The following TMTC2 variants were observed in gnomAD, a reference collection of about 807,000 sequenced individuals.
The protein encoded by TMTC2 is transmembrane O-mannosyltransferase targeting cadherins 2, also known as protein O-mannosyl-transferase TMTC2.
Under a neutral mutation model 82.4 loss-of-function variants are expected in TMTC2, and 43 were observed. That is an observed-to-expected ratio of 0.52 (90% CI 0.41 to 0.67). The LOEUF (loss-of-function observed/expected upper bound fraction) is 0.67. TMTC2 is among the 30% of genes least tolerant of loss of function. The probability of loss-of-function intolerance (pLI) is 0.00; values close to 1 mark genes in which losing one functional copy is unlikely to be tolerated. For synonymous variants in TMTC2, 408 were observed against 381.9 expected, an observed-to-expected ratio of 1.07 and a Z score of -0.80; for missense variants, 919 against 1,012.4, an observed-to-expected ratio of 0.91 and a Z score of 1.25.
At chr12:82,779,990 G>A (rs1877815925) in intron 1 of TMTC2, among the ~76,000 whole-genome samples, 1 of 151,820 alleles carries the variant, frequency 6.6e-6, no homozygotes, top group African/African-American at 2.4e-5. Flanking sequence ...TTCAAGAGTA[G>A]GGGCTGTCCC....
At chr12:82,721,744 C>T (rs1874216923) in intron 1 of TMTC2, among the ~76,000 whole-genome samples, 1 of 152,158 alleles carries the variant, frequency 6.6e-6, no homozygotes, top group Non-Finnish European at 1.5e-5. Flanking sequence ...CAGTGTCTTG[C>T]CCTGACTAAA....
At position 83,061,922 on chromosome 12, in the gene TMTC2, T is replaced by TTTTTG. The variant is rs139869818; in HGVS notation, c.2331+111_2331+115dup. 1.9e-3 allele frequency: 2,044 copies of TTTTTG among 1,067,750 alleles called. 37 individuals are homozygous for TTTTTG. In the African/African-American group the frequency reaches 0.03, roughly 16 times the overall value. 66.1% of individuals were successfully genotyped at this position (1,067,750 alleles called of 1,614,324 possible). A position where few individuals can be genotyped will look rare whatever the true frequency, so the allele number is the denominator to read the frequency against. ...AAGCATCATGATACTGGTTTTTTGT[T>TTTTTG]TTTTGTTTTGTTTTGTTTTGTTTTT... On this transcript the variant is annotated intron_variant, in intron 11 of 11. Coordinates refer to ENST00000321196, the MANE Select transcript of TMTC2 (RefSeq NM_152588.3).
In TMTC2 at chr12:83,006,937, A is replaced by G. The variant is rs183779995; in HGVS notation, c.2070+20891A>G. On this transcript the variant is annotated intron_variant, in intron 8 of 11. Transcript: ENST00000321196. ...ACTTGGACACAGGGCAGGGCCTGTC[A>G]TGGGGTCGGGGGCTGGGGGAGGGAT... is the stretch of plus-strand genomic sequence containing the variant. 1.9e-4 allele frequency among the ~76,000 whole-genome samples: 28 copies of G among 149,232 alleles called. No homozygotes were observed. The East Asian group carries it at 5.7e-3, about 30-fold the overall frequency.
chr12:82,883,779 TCTC>T (rs1338831128), intron 2 of TMTC2, among the ~76,000 whole-genome samples: 1 of 152,194 alleles, frequency 6.6e-6, no homozygotes, highest in Non-Finnish European at 1.5e-5. Flanking sequence ...TAATTTTACT[TCTC>T]CTCCCATTAG....
rs188700268 is a variant in TMTC2 at position 82,867,543 on chromosome 12, C to G, written c.654+9963C>G. On this transcript the variant is annotated intron_variant, in intron 2 of 11. Transcript: ENST00000321196. Reference sequence around the variant, plus strand: ...ATCCTGAATTCCCATCAAACTGTTGCTAAATATAAAGTACAAATAAGTACT... The same window carrying G: ...ATCCTGAATTCCCATCAAACTGTTGGTAAATATAAAGTACAAATAAGTACT... Among the ~76,000 whole-genome samples the G allele has an allele frequency of 3.4e-3, 519 of 152,172 alleles. 2 individuals carry two copies. Among genetic ancestry groups the G allele is most frequent in the Admixed American group, 7.2e-3 (110 of 15,290 alleles).
intron 4 of TMTC2, among the ~76,000 whole-genome samples, chr12:82,937,779 TATATATATATATATATAC>T (rs1365721135): frequency 4.1e-4 from 9 of 21,896 alleles, no homozygotes; most frequent in Admixed American, 1.1e-3. Flanking sequence ...TATATATATA[TATATATATATATATATAC>T]ACACATATAT....
chr12:82,800,214 C>T (rs1013013084), intron 1 of TMTC2, among the ~76,000 whole-genome samples: 26 of 152,218 alleles, frequency 1.7e-4, no homozygotes, highest in Admixed American at 3.3e-4. Context: ...AAAACCTTAA[C>T]TGTAGTGCCT....
Position 82,896,354 on chromosome 12 carries a change from T to A in TMTC2, c.1191T>A (p.Ser397=). The A allele has an allele frequency of 6.2e-7, 1 of 1,614,110 alleles. No individual in the cohort carries two copies. The highest frequency in any genetic ancestry group is 8.5e-7 in the Non-Finnish European group (1 of 1,180,030). Reference sequence around the variant, plus strand: ...CTACGGAGAACATTGTTGTTCTGTCTTTATCTTTGTTAATCATACCCTTTG... The same window carrying A: ...CTACGGAGAACATTGTTGTTCTGTCATTATCTTTGTTAATCATACCCTTTG... ...LPSTENIVVL[S]LSLLIIPFVP... is the part of the protein sequence containing the mutation. Residue 397 remains serine, a synonymous_variant, in exon 3 of 12, where the codon TCT becomes TCA. Coordinates refer to ENST00000321196, the MANE Select transcript of TMTC2 (RefSeq NM_152588.3).
intron 1 of TMTC2, among the ~76,000 whole-genome samples, chr12:82,801,386 G>A: frequency 6.6e-6 from 1 of 152,096 alleles, no homozygotes; most frequent in East Asian, 1.9e-4. Context: ...AAGATTTATT[G>A]CAAAGAGCGA....
chr12:82,841,955 T>TTA (rs939823159), intron 1 of TMTC2, among the ~76,000 whole-genome samples: 5 of 152,342 alleles, frequency 3.3e-5, no homozygotes, highest in African/African-American at 1.2e-4. Flanking sequence ...AAAGTGTTTT[T>TTA]TATAGCTTTA....
intron 7 of TMTC2, among the ~76,000 whole-genome samples, chr12:82,969,422 C>G (rs1295455828): frequency 6.6e-6 from 1 of 151,696 alleles, no homozygotes; most frequent in African/African-American, 2.4e-5. Flanking sequence ...CTATTTTTTT[C>G]TTTTGTTTAG....
intron 8 of TMTC2, among the ~76,000 whole-genome samples, chr12:83,013,233 C>T (rs975902427): frequency 1.3e-5 from 2 of 151,714 alleles, no homozygotes; most frequent in African/African-American, 2.4e-5. Context: ...TGTAGATATC[C>T]AAACATTTAT....
intron 2 of TMTC2, among the ~76,000 whole-genome samples, chr12:82,874,081 C>T (rs1872352910): frequency 6.6e-6 from 1 of 152,202 alleles, no homozygotes; most frequent in Non-Finnish European, 1.5e-5. Context: ...TGAACCTGCA[C>T]CTTTGCGTCC....
chr12:83,103,183 T>C (rs1884281286), intron 11 of TMTC2, among the ~76,000 whole-genome samples: 1 of 152,190 alleles, frequency 6.6e-6, no homozygotes, highest in African/African-American at 2.4e-5. Flanking sequence ...ATCCTGAGGA[T>C]AGAGTCCAAT....
At chr12:82,860,789 A>G (rs747333091) in intron 2 of TMTC2, among the ~76,000 whole-genome samples, 5 of 152,264 alleles carry the variant, frequency 3.3e-5, no homozygotes, top group Non-Finnish European at 5.9e-5. Flanking sequence ...TGAAATAAGG[A>G]CTGCTTAGTA....
intron 2 of TMTC2, among the ~76,000 whole-genome samples, chr12:82,876,127 GTAA>G (rs1872546117): frequency 7.8e-6 from 1 of 128,376 alleles, no homozygotes; most frequent in African/African-American, 3.2e-5. Flanking sequence ...GGTGGTATTA[GTAA>G]TGGTGGTGGT....
intron 4 of TMTC2, among the ~76,000 whole-genome samples, chr12:82,943,371 T>C (rs559228649): frequency 5.9e-5 from 9 of 152,220 alleles, no homozygotes; most frequent in Non-Finnish European, 1.0e-4. Context: ...CTGAGACAAT[T>C]GCTATTGGCA....
chr12:82,885,380 T>C (rs1230792948), intron 2 of TMTC2, among the ~76,000 whole-genome samples: 1 of 152,100 alleles, frequency 6.6e-6, no homozygotes, highest in Non-Finnish European at 1.5e-5. Flanking sequence ...CTTAAGTTTT[T>C]GTTTGTTTTT....
intron 2 of TMTC2, among the ~76,000 whole-genome samples, chr12:82,882,046 C>CTGGA (rs1439030599): frequency 7.5e-6 from 1 of 133,092 alleles, no homozygotes; most frequent in Non-Finnish European, 1.5e-5. Flanking sequence ...GTCGCCCAGG[C>CTGGA]TGGAGTGCAG....
Sources: gnomAD v4.1 joint callset for allele counts (sites outside exome capture counted in the v4.1 genomes callset) on GRCh38, gnomAD v4.1.1 for gene constraint, MANE v1.5 for transcripts, NCBI Gene and HGNC (gene_info 2026-07-23, HGNC 2026-07-21) for gene names.